Variants in ADAMTSL1 observed in about 807,000 individuals in gnomAD.
ADAMTSL1 encodes ADAMTS like 1, also known as ADAMTS-like protein 1.
ADAMTSL1 carries 126 observed loss-of-function variants against 201.8 expected under a neutral mutation model. That is an observed-to-expected ratio of 0.62 (90% CI 0.54 to 0.72). The LOEUF (loss-of-function observed/expected upper bound fraction) is 0.72, where lower values mean the gene tolerates loss of function less well. Ranked by LOEUF, ADAMTSL1 falls within the 30% of genes least tolerant of loss-of-function variation. ADAMTSL1 has a pLI of 0.00. For missense variants in ADAMTSL1, 2,679 were observed against 2,277.8 expected (o/e 1.18, Z -3.59); for synonymous variants, 1,121 against 903.4 (o/e 1.24, Z -4.32).
chr9:18,246,967 C>G (rs760508703), intron 2 of ADAMTSL1, among the ~76,000 whole-genome samples: 1 of 152,052 alleles, frequency 6.6e-6, no homozygotes. Flanking sequence ...CTCCTAACCT[C>G]GGGTTTGACT....
chr9:17,934,973 C>A (rs1306787214), intron 1 of ADAMTSL1, among the ~76,000 whole-genome samples: 1 of 150,312 alleles, frequency 6.7e-6, no homozygotes, highest in Non-Finnish European at 1.5e-5. Context: ...ATCTTAAAAG[C>A]CTTCTAGGTA....
intron 1 of ADAMTSL1, among the ~76,000 whole-genome samples, chr9:18,011,798 A>T (rs1303704475): frequency 6.6e-6 from 1 of 152,008 alleles, no homozygotes; most frequent in Non-Finnish European, 1.5e-5. Flanking sequence ...ATAATACAGA[A>T]GTCAGGCTGT....
In ADAMTSL1 at chr9:18,622,319, C is replaced by T. The variant is rs913638352; in HGVS notation, c.551C>T (p.Thr184Ile). Residue 184 changes from threonine to isoleucine, a missense_variant, in exon 5 of 29, where the codon ACC becomes ATC. Thr to Ile is a moderately conservative substitution (Grantham distance 89). Coordinates refer to ENST00000380548, the MANE Select transcript of ADAMTSL1 (RefSeq NM_001040272.6). ...GGGGTCTGCAACGGAGATGGGTCCA[C>T]CTGCCGGCTGGTCCGAGGGCAGTAT... ...NCGVCNGDGS[T>I]CRLVRGQYKS... 4 of 1,613,922 alleles carry T rather than the reference C, an allele frequency of 2.5e-6. No homozygotes were observed. The highest frequency in any genetic ancestry group is 3.4e-6 in the Non-Finnish European group (4 of 1,179,956).
At chr9:18,339,136 C>T (rs1835364545) in intron 2 of ADAMTSL1, among the ~76,000 whole-genome samples, 1 of 152,114 alleles carries the variant, frequency 6.6e-6, no homozygotes, top group South Asian at 2.1e-4. Flanking sequence ...AGAGCTTCTG[C>T]ACAGCAAAAT....
intron 1 of ADAMTSL1, among the ~76,000 whole-genome samples, chr9:17,968,304 A>G (rs2840776): frequency 0.79 from 120,577 of 151,998 alleles, 48,646 homozygotes; most frequent in East Asian, 0.94. Flanking sequence ...TTGTGTGTGT[A>G]TGTTTTCTTC....
intron 2 of ADAMTSL1, among the ~76,000 whole-genome samples, chr9:18,344,510 T>C (rs1835611059): frequency 6.6e-6 from 1 of 152,108 alleles, no homozygotes; most frequent in African/African-American, 2.4e-5. Flanking sequence ...TCTTTTAAAT[T>C]TGGAAACCTT....
intron 1 of ADAMTSL1, among the ~76,000 whole-genome samples, chr9:18,068,485 C>A (rs897034247): frequency 2.0e-5 from 3 of 152,044 alleles, no homozygotes; most frequent in Non-Finnish European, 4.4e-5. Flanking sequence ...GGAACTTAAA[C>A]ATGTATGGAT....
intron 1 of ADAMTSL1, among the ~76,000 whole-genome samples, chr9:18,064,888 G>A (rs1172233619): frequency 1.4e-5 from 2 of 147,676 alleles, no homozygotes; most frequent in African/African-American, 2.5e-5. Flanking sequence ...ATAAAGTTTG[G>A]TTGTCTATTA....
At chr9:18,127,723 G>T (rs886909766) in intron 1 of ADAMTSL1, among the ~76,000 whole-genome samples, 2 of 152,038 alleles carry the variant, frequency 1.3e-5, no homozygotes, top group East Asian at 3.9e-4. Flanking sequence ...GGAATGGGTG[G>T]GGAAAAAGGG....
chr9:18,222,021 A>G (rs541402608), intron 2 of ADAMTSL1, among the ~76,000 whole-genome samples: 12 of 152,142 alleles, frequency 7.9e-5, no homozygotes, highest in Admixed American at 2.0e-4. Context: ...TAAAAGTTAT[A>G]TAACCATTTA....
chr9:17,987,252 C>T (rs771566239), intron 1 of ADAMTSL1, among the ~76,000 whole-genome samples: 82 of 152,190 alleles, frequency 5.4e-4, no homozygotes, highest in Non-Finnish European at 6.2e-4. Flanking sequence ...GTGTTCACAT[C>T]TTGTTTCCTT....
At chr9:18,563,712 A>G (rs1335563027) in intron 3 of ADAMTSL1, among the ~76,000 whole-genome samples, 3 of 152,204 alleles carry the variant, frequency 2.0e-5, no homozygotes, top group Non-Finnish European at 4.4e-5. Flanking sequence ...TGCCCTGCAC[A>G]GAGAGGAGAA....
chr9:18,009,882 C>A (rs1373779738), intron 1 of ADAMTSL1, among the ~76,000 whole-genome samples: 2 of 151,976 alleles, frequency 1.3e-5, no homozygotes, highest in Admixed American at 1.3e-4. Flanking sequence ...CACAAACATG[C>A]CAATTTTCTT....
chr9:18,908,678 C>A lies in ADAMTSL1; in HGVS notation c.*130C>A, dbSNP rs927015385. The A allele has an allele frequency of 5.7e-5, 38 of 668,966 alleles. No homozygotes were observed. Among genetic ancestry groups the A allele is most frequent in the Non-Finnish European group, 8.6e-5 (34 of 397,266 alleles). The allele number at this position is 668,966 out of a possible 1,614,324, so 41.4% of individuals were successfully genotyped here. A position where few individuals can be genotyped will look rare whatever the true frequency, so the allele number is the denominator to read the frequency against. ...CCCCACTCCACACACACCCTTCCAA[C>A]CTCCTCCACCTCCACCTTCAAGCAT... On this transcript the variant is annotated 3_prime_UTR_variant, in exon 29 of 29. Coordinates refer to ENST00000380548, the MANE Select transcript of ADAMTSL1 (RefSeq NM_001040272.6).
chr9:18,904,633 CAAAAAAAA>C (rs71333072), intron 26 of ADAMTSL1, among the ~76,000 whole-genome samples: 782 of 14,732 alleles, frequency 0.053, 69 homozygotes, highest in Non-Finnish European at 0.064. Flanking sequence ...GACCCTGCCT[CAAAAAAAA>C]AAAAAAAAAA....
At chr9:17,976,373 A>G (rs1325580002) in intron 1 of ADAMTSL1, among the ~76,000 whole-genome samples, 1 of 151,898 alleles carries the variant, frequency 6.6e-6, no homozygotes, top group Non-Finnish European at 1.5e-5. Context: ...ATATCTTTCC[A>G]TTTATTTATG....
chr9:18,404,189 A>G (rs1007460482), intron 2 of ADAMTSL1, among the ~76,000 whole-genome samples: 1 of 152,190 alleles, frequency 6.6e-6, no homozygotes. Context: ...TATTTCAAGT[A>G]TCTGTGATAA....
chr9:17,995,127 C>T (rs1008133019), intron 1 of ADAMTSL1, among the ~76,000 whole-genome samples: 1 of 152,050 alleles, frequency 6.6e-6, no homozygotes, highest in Non-Finnish European at 1.5e-5. Flanking sequence ...AAGTTAAAGC[C>T]CAGCAATGTC....
intron 8 of ADAMTSL1, among the ~76,000 whole-genome samples, chr9:18,660,063 C>G (rs1367372418): frequency 6.6e-6 from 1 of 152,098 alleles, no homozygotes; most frequent in African/African-American, 2.4e-5. Flanking sequence ...TTACATGTAT[C>G]TTACTTCTTT....
Sources: allele counts gnomAD v4.1 joint callset (sites outside exome capture counted in the v4.1 genomes callset), GRCh38; gene constraint gnomAD v4.1.1; transcripts MANE v1.5; gene names NCBI Gene and HGNC (gene_info 2026-07-23, HGNC 2026-07-21).